The following SAP30BP variants were observed in gnomAD, a reference collection of about 807,000 sequenced individuals.
SAP30BP encodes the protein SAP30-binding protein.
SAP30BP carries 31 observed loss-of-function variants against 46.3 expected under a neutral mutation model. The observed-to-expected ratio is 0.67, with a 90% CI of 0.50 to 0.90. The LOEUF is 0.90. Ranked by LOEUF, SAP30BP falls within the 40% of genes least tolerant of loss-of-function variation. The probability of loss-of-function intolerance (pLI) is 0.00; values close to 1 mark genes in which losing one functional copy is unlikely to be tolerated. For synonymous variants in SAP30BP, 169 were observed against 144.2 expected, an observed-to-expected ratio of 1.17 and a Z score of -1.23; for missense variants, 312 against 391.0, an observed-to-expected ratio of 0.80 and a Z score of 1.70.
At chr17:75,668,081 G>C (rs1324718831) in intron 1 of SAP30BP, 3 of 161,436 alleles carry the variant, frequency 1.9e-5, no homozygotes, top group African/African-American at 4.8e-5. Context: ...AATGGAAACA[G>C]ATTCCTTTGG....
chr17:75,685,859 T>C (rs1040057051), intron 3 of SAP30BP, among the ~76,000 whole-genome samples: 3 of 152,154 alleles, frequency 2.0e-5, no homozygotes, highest in African/African-American at 4.8e-5. Flanking sequence ...TTCCTGACAC[T>C]CTGGGGATAA....
At chr17:75,702,703 G>A (rs2060432036) in intron 6 of SAP30BP, 132 bp downstream of exon 6, 1 of 518,836 alleles carries the variant, frequency 1.9e-6, no homozygotes, top group Non-Finnish European at 3.6e-6. Flanking sequence ...TACACTGAGT[G>A]CCTGCTGGAC....
At chr17:75,700,912 T>A (rs186542433) in intron 5 of SAP30BP, among the ~76,000 whole-genome samples, 2 of 152,336 alleles carry the variant, frequency 1.3e-5, no homozygotes, top group Admixed American at 6.5e-5. Flanking sequence ...TTTTAGTTCA[T>A]CTTGAGTAGT....
chr17:75,677,658 C>A (rs1352324229), intron 3 of SAP30BP, among the ~76,000 whole-genome samples: 2 of 143,102 alleles, frequency 1.4e-5, no homozygotes, highest in East Asian at 4.0e-4. Flanking sequence ...GTTGGTGAGG[C>A]AGGTCTCAAA....
rs1203819635 is a variant in SAP30BP at position 75,705,851 on chromosome 17, A to G, written c.661-157A>G. Reference sequence around the variant, plus strand: ...TGAAAAGCCCCTTTGGGTTCTTCTTAGACATCTCGCCCTACCCCAGATGGG... The same window carrying G: ...TGAAAAGCCCCTTTGGGTTCTTCTTGGACATCTCGCCCTACCCCAGATGGG... On this transcript the variant is annotated intron_variant, in intron 9 of 10. Coordinates refer to ENST00000584667, the MANE Select transcript of SAP30BP (RefSeq NM_013260.8). 4.3e-6 allele frequency: 5 copies of G among 1,167,826 alleles called. No homozygotes were observed. In the African/African-American group the frequency reaches 6.1e-5, roughly 14 times the overall value. The allele number at this position is 1,167,826 out of a possible 1,614,324, so 72.3% of individuals were successfully genotyped here.
At chr17:75,677,169 A>C (rs1340672221) in intron 3 of SAP30BP, among the ~76,000 whole-genome samples, 4 of 146,250 alleles carry the variant, frequency 2.7e-5, no homozygotes, top group African/African-American at 7.6e-5. Context: ...GCAGTGGCAC[A>C]ATCTCGGCTC....
chr17:75,676,159 A>G (rs1425890284), intron 3 of SAP30BP, among the ~76,000 whole-genome samples: 3 of 152,226 alleles, frequency 2.0e-5, no homozygotes, highest in East Asian at 1.9e-4. Flanking sequence ...GGTTAGTTAC[A>G]TCATGGAATG....
At chr17:75,668,771 T>C (rs2059855600) in intron 2 of SAP30BP, 146 bp downstream of exon 2, 2 of 586,558 alleles carry the variant, frequency 3.4e-6, no homozygotes, top group Non-Finnish European at 6.0e-6. Flanking sequence ...GAAACTGGAT[T>C]GGATATCAGA....
chr17:75,696,037 G>T (rs1315225964), intron 4 of SAP30BP, among the ~76,000 whole-genome samples: 1 of 152,140 alleles, frequency 6.6e-6, no homozygotes, highest in African/African-American at 2.4e-5. Context: ...ATCCCTCCCT[G>T]GCAGCTGTGG....
At chr17:75,702,426 G>A in intron 5 of SAP30BP, 54 bp from the exon 6 acceptor site, 1 of 737,250 alleles carries the variant, frequency 1.4e-6, no homozygotes, top group South Asian at 1.7e-5. Flanking sequence ...CTGGGACGGT[G>A]GAGGGGTGGG....
At position 75,704,815 on chromosome 17, in the gene SAP30BP, G is replaced by C; in HGVS notation, c.660+1G>C. 6.2e-7 allele frequency: 1 copy of C among 1,612,150 alleles called. No homozygotes were observed. The highest frequency in any genetic ancestry group is 1.7e-5 in the Admixed American group (1 of 60,024). ...AAAGGCCAAAAAGGAGCGAACAAAAGTAAGTGATGGCAGACCTCCTAGATG... is the reference window on the plus strand; with the variant it reads ...AAAGGCCAAAAAGGAGCGAACAAAACTAAGTGATGGCAGACCTCCTAGATG... On this transcript the variant is annotated splice_donor_variant, in intron 9 of 10. Transcript: ENST00000584667. LOFTEE classifies it high-confidence loss of function.
intron 5 of SAP30BP, among the ~76,000 whole-genome samples, chr17:75,701,652 T>A (rs2148418507): frequency 6.6e-6 from 1 of 152,166 alleles, no homozygotes; most frequent in Admixed American, 6.5e-5. Context: ...TTCTAAAAAG[T>A]TTGCAAGACC....
At chr17:75,679,701 G>C (rs2060046964) in intron 3 of SAP30BP, 5 of 152,142 alleles carry the variant, frequency 3.3e-5, no homozygotes. Flanking sequence ...TAGGAAACAA[G>C]CTTTGTTTCC....
chr17:75,703,458 A>G (rs2060445727), intron 7 of SAP30BP, 87 bp downstream of exon 7: 4 of 1,211,070 alleles, frequency 3.3e-6, no homozygotes, highest in Non-Finnish European at 4.8e-6. Flanking sequence ...AGCCACAGAA[A>G]GGTCCACGTG....
intron 3 of SAP30BP, among the ~76,000 whole-genome samples, chr17:75,685,984 T>C (rs2060150603): frequency 6.6e-6 from 1 of 152,124 alleles, no homozygotes; most frequent in African/African-American, 2.4e-5. Flanking sequence ...ATAACAAAAG[T>C]CCCCCTTGGA....
At chr17:75,697,952 G>A (rs570954702) in intron 4 of SAP30BP, among the ~76,000 whole-genome samples, 36 of 152,364 alleles carry the variant, frequency 2.4e-4, no homozygotes, top group African/African-American at 6.7e-4. Context: ...CCTGCACACA[G>A]TAGGTGCTCA....
intron 1 of SAP30BP, 119 bp from the exon 2 acceptor site, chr17:75,668,397 C>T: frequency 1.7e-6 from 1 of 592,738 alleles, no homozygotes. Context: ...ATTTAGGTTC[C>T]CTTTGTATCT....
Position 75,671,830 on chromosome 17 carries a change from A to G in SAP30BP, c.231A>G (p.Ser77=), listed in dbSNP as rs1308403224. ...TTGTCTTGTAGGAAGATGACGATTC[A>G]GAGACTGAAAAACCTGAGGCTGATG... ...ENSRQSEDDD[S]ETEKPEADDP... Residue 77 remains serine (S), a synonymous_variant, in exon 3 of 11, where the codon TCA becomes TCG. Coordinates refer to ENST00000584667, the MANE Select transcript of SAP30BP (RefSeq NM_013260.8). 16 of 1,613,496 alleles carry G rather than the reference A, an allele frequency of 9.9e-6. No individual in the cohort carries two copies.
intron 3 of SAP30BP, chr17:75,693,201 A>C: frequency 2.0e-6 from 1 of 500,692 alleles, no homozygotes; most frequent in Non-Finnish European, 3.6e-6. Flanking sequence ...TTGGTCACTG[A>C]AAAGGCATGG....
Sources: allele counts gnomAD v4.1 joint callset (sites outside exome capture counted in the v4.1 genomes callset), GRCh38; gene constraint gnomAD v4.1.1; transcripts MANE v1.5; gene names NCBI Gene and HGNC (gene_info 2026-07-23, HGNC 2026-07-21).